The following TEX9 variants were observed in gnomAD, a reference collection of about 807,000 sequenced individuals.
TEX9 encodes the protein testis-expressed protein 9.
TEX9 carries 74 observed loss-of-function variants against 59.6 expected under a neutral mutation model. The ratio of observed to expected loss-of-function variants is 1.24; its 90% CI spans 1.03 to 1.51. The LOEUF (loss-of-function observed/expected upper bound fraction) is 1.51, where lower values mean the gene tolerates loss of function less well. Among genes scored for constraint, TEX9 ranks in the 40% most tolerant of loss-of-function variants. The pLI, the probability that TEX9 is intolerant of heterozygous loss-of-function variation, is 0.00. For synonymous variants in TEX9, 186 were observed against 152.2 expected (o/e 1.22, Z -1.64); for missense variants, 522 against 447.8 (o/e 1.17, Z -1.49).
chr15:56,245,577 A>G (rs1361195381), intron 1 of TEX9, among the ~76,000 whole-genome samples: 1 of 152,222 alleles, frequency 6.6e-6, no homozygotes, highest in Non-Finnish European at 1.5e-5. Flanking sequence ...GGTGTGCACT[A>G]GACAGAAGCT....
upstream of TEX9, among the ~76,000 whole-genome samples, chr15:56,363,201 C>T (rs10438327): frequency 0.28 from 43,135 of 151,722 alleles, 6,912 homozygotes; most frequent in Middle Eastern, 0.47. Context: ...ACAATTTTCC[C>T]ATTCCCACTA....
chr15:56,268,864 CT>C (rs1188975211), intron 1 of TEX9, among the ~76,000 whole-genome samples: 2 of 152,044 alleles, frequency 1.3e-5, no homozygotes, highest in African/African-American at 4.8e-5. Flanking sequence ...AGGATTCCCC[CT>C]TTTTCTATTG....
intron 1 of TEX9, among the ~76,000 whole-genome samples, chr15:56,294,814 A>C (rs2045180039): frequency 6.6e-6 from 1 of 152,186 alleles, no homozygotes; most frequent in South Asian, 2.1e-4. Context: ...ATTCTGTTTC[A>C]CTTAGGGTTA....
At chr15:56,367,527 A>AT (rs1261490430) in intron 2 of TEX9, among the ~76,000 whole-genome samples, 2 of 152,174 alleles carry the variant, frequency 1.3e-5, no homozygotes, top group Non-Finnish European at 2.9e-5. Flanking sequence ...AAGTGGATAG[A>AT]TTTTTCAAGC....
chr15:56,413,236 A>T (rs13380119), intron 10 of TEX9, among the ~76,000 whole-genome samples: 858 of 46,646 alleles, frequency 0.018, no homozygotes, highest in South Asian at 0.04. Flanking sequence ...TTTATTTAAT[A>T]CTTAAATAAT....
chr15:56,391,036 T>G (rs1228136148), intron 6 of TEX9, among the ~76,000 whole-genome samples: 8 of 152,088 alleles, frequency 5.3e-5, no homozygotes, highest in African/African-American at 1.9e-4. Context: ...GTATCACATG[T>G]AGATTTCATC....
intron 4 of TEX9, 28 bp from the exon 5 acceptor site, chr15:56,388,444 A>G: frequency 6.4e-7 from 1 of 1,557,612 alleles, no homozygotes; most frequent in Non-Finnish European, 8.8e-7. Context: ...TCTATTATTA[A>G]TGTATAATGT....
intron 1 of TEX9, among the ~76,000 whole-genome samples, chr15:56,323,990 G>A (rs1204604289): frequency 6.6e-6 from 1 of 152,086 alleles, no homozygotes; most frequent in African/African-American, 2.4e-5. Flanking sequence ...ATCATGCCCT[G>A]GTAGTATTTT....
chr15:56,281,992 A>G (rs1438320842), intron 1 of TEX9, among the ~76,000 whole-genome samples: 2 of 152,094 alleles, frequency 1.3e-5, no homozygotes, highest in Non-Finnish European at 2.9e-5. Context: ...GAGAATACCT[A>G]CCCCTTAAAT....
chr15:56,376,756 T>C (rs1199954215), intron 3 of TEX9, among the ~76,000 whole-genome samples: 1 of 152,178 alleles, frequency 6.6e-6, no homozygotes, highest in Non-Finnish European at 1.5e-5. Context: ...TTTAACTTTA[T>C]GTGATCCCAT....
At chr15:56,460,009 A>AAAAAAAATATATATAT in the TEX9 span, among the ~76,000 whole-genome samples, 3 of 26,386 alleles carry the variant, frequency 1.1e-4, no homozygotes, top group East Asian at 1.1e-3. Flanking sequence ...AAAAAAAAAA[A>AAAAAAAATATATATAT]ATACATATAT....
At chr15:56,399,305 C>G (rs1171097960) in intron 9 of TEX9, among the ~76,000 whole-genome samples, 2 of 152,248 alleles carry the variant, frequency 1.3e-5, no homozygotes, top group Non-Finnish European at 2.9e-5. Context: ...CAAGGAGATT[C>G]TCTCCCGTGC....
At chr15:56,345,285 A>G (rs1235932306) in intron 1 of TEX9, among the ~76,000 whole-genome samples, 1 of 152,020 alleles carries the variant, frequency 6.6e-6, no homozygotes, top group Non-Finnish European at 1.5e-5. Flanking sequence ...GACAATTTTC[A>G]TGAAGGGCAA....
chr15:56,339,399 A>ACAAACAAAC (rs1567091378), intron 1 of TEX9, among the ~76,000 whole-genome samples: 1 of 133,388 alleles, frequency 7.5e-6, no homozygotes, highest in Non-Finnish European at 1.7e-5. Flanking sequence ...AAAAAAAAAA[A>ACAAACAAAC]AAAAAAAAAA....
At chr15:56,417,868 G>A (rs1311484470) in intron 10 of TEX9, among the ~76,000 whole-genome samples, 3 of 151,906 alleles carry the variant, frequency 2.0e-5, no homozygotes, top group African/African-American at 7.3e-5. Context: ...GGGTGCTTCT[G>A]TGTTGTGTGC....
At chr15:56,296,134 C>T (rs190250549) in intron 1 of TEX9, among the ~76,000 whole-genome samples, 10 of 152,278 alleles carry the variant, frequency 6.6e-5, no homozygotes, top group Admixed American at 6.5e-4. Context: ...TCTCAGTATA[C>T]CCCACGGCCC....
chr15:56,310,141 T>A (rs1272144917), intron 1 of TEX9, among the ~76,000 whole-genome samples: 5 of 152,090 alleles, frequency 3.3e-5, no homozygotes, highest in Admixed American at 3.3e-4. Flanking sequence ...AGAAATTCAG[T>A]GTTAGTGGGG....
chr15:56,260,267 T>C (rs558648940), intron 1 of TEX9, among the ~76,000 whole-genome samples: 1 of 152,238 alleles, frequency 6.6e-6, no homozygotes, highest in African/African-American at 2.4e-5. Flanking sequence ...AGTGCAATGA[T>C]TAATGCAAGT....
At chr15:56,444,913 A>G (rs2050881436) in intron 12 of TEX9, among the ~76,000 whole-genome samples, 2 of 152,040 alleles carry the variant, frequency 1.3e-5, no homozygotes, top group South Asian at 4.1e-4. Flanking sequence ...CCTGATAAGG[A>G]TTATTAATAA....
Sources: gnomAD v4.1 joint callset for allele counts (sites outside exome capture counted in the v4.1 genomes callset) on GRCh38, gnomAD v4.1.1 for gene constraint, MANE v1.5 for transcripts, NCBI Gene and HGNC (gene_info 2026-07-23, HGNC 2026-07-21) for gene names.